Variants in STK17B observed in about 807,000 individuals in gnomAD.
STK17B encodes serine/threonine-protein kinase 17B.
STK17B carries 21 observed loss-of-function variants against 42.0 expected under a neutral mutation model. That is an observed-to-expected ratio of 0.50 (90% CI 0.35 to 0.72). The LOEUF (loss-of-function observed/expected upper bound fraction) is 0.72, where lower values mean the gene tolerates loss of function less well. Ranked by LOEUF, STK17B falls within the 30% of genes least tolerant of loss-of-function variation. STK17B has a pLI of 0.00. For synonymous variants in STK17B, 143 were observed against 148.4 expected (o/e 0.96, Z 0.26); for missense variants, 349 against 446.0 (o/e 0.78, Z 1.96).
intron 3 of STK17B, 147 bp from the exon 4 acceptor site, chr2:196,146,202 T>A: frequency 3.3e-6 from 3 of 897,702 alleles, no homozygotes; most frequent in Non-Finnish European, 3.1e-6. Flanking sequence ...GAGAGATCTT[T>A]AAGGAAAAAA....
chr2:196,142,323 G>A (rs1699506091), intron 5 of STK17B, among the ~76,000 whole-genome samples: 2 of 152,130 alleles, frequency 1.3e-5, no homozygotes, highest in Admixed American at 1.3e-4. Context: ...CTCCCAAAGT[G>A]CTGGGATTAC....
chr2:196,154,251 C>CAAA (rs1699708568), intron 3 of STK17B: 1 of 152,008 alleles, frequency 6.6e-6, no homozygotes, highest in Admixed American at 6.6e-5. Context: ...ACAACAACAA[C>CAAA]AACAACAACA....
intron 3 of STK17B, among the ~76,000 whole-genome samples, chr2:196,147,619 A>G (rs1000639401): frequency 2.6e-5 from 4 of 152,216 alleles, no homozygotes; most frequent in Non-Finnish European, 4.4e-5. Flanking sequence ...GACTTTGCAG[A>G]AAAAAACTCT....
upstream of STK17B, among the ~76,000 whole-genome samples, chr2:196,175,381 T>C (rs999886216): frequency 6.6e-6 from 1 of 152,210 alleles, no homozygotes; most frequent in African/African-American, 2.4e-5. Context: ...ATCCTAGCAC[T>C]TTGGGAGGCC....
chr2:196,142,182 C>T (rs1415375518), intron 5 of STK17B, among the ~76,000 whole-genome samples: 1 of 152,146 alleles, frequency 6.6e-6, no homozygotes, highest in African/African-American at 2.4e-5. Flanking sequence ...CCTCAGCCTC[C>T]CAAGTAGGTG....
intron 3 of STK17B, chr2:196,154,472 A>G (rs1215525384): frequency 6.6e-6 from 1 of 152,244 alleles, no homozygotes; most frequent in East Asian, 1.9e-4. Flanking sequence ...ACAAAAAGGA[A>G]TATCATAATA....
At chr2:196,161,881 G>A (rs1400065066) in intron 2 of STK17B, among the ~76,000 whole-genome samples, 1 of 152,034 alleles carries the variant, frequency 6.6e-6, no homozygotes, top group East Asian at 1.9e-4. Flanking sequence ...GAAAAAGCCA[G>A]GACTTGCCTC....
chr2:196,152,281 T>C lies in STK17B; in HGVS notation c.335+4158A>G, dbSNP rs574070651. ...GCCAACACGCCCGGCTAATTTTTTG[T>C]ATTTTTTAGTAGAGACAGGGTTTCA... On this transcript the variant is annotated intron_variant, in intron 3 of 7. Transcript: ENST00000263955. 2.6e-5 allele frequency among the ~76,000 whole-genome samples: 4 copies of C among 152,242 alleles called. No homozygotes were observed. The South Asian group carries it at 8.3e-4, about 32-fold the overall frequency.
intron 2 of STK17B, among the ~76,000 whole-genome samples, chr2:196,158,412 AT>A (rs1699767147): frequency 6.6e-6 from 1 of 152,220 alleles, no homozygotes; most frequent in Non-Finnish European, 1.5e-5. Flanking sequence ...AAATTTGCAT[AT>A]AAAAACCTGA....
At chr2:196,155,615 T>C (rs1699728030) in intron 3 of STK17B, among the ~76,000 whole-genome samples, 1 of 152,184 alleles carries the variant, frequency 6.6e-6, no homozygotes, top group Admixed American at 6.5e-5. Context: ...ATAAAATATA[T>C]TTACTTCATT....
At chr2:196,166,647 C>T (rs946734238) in intron 1 of STK17B, among the ~76,000 whole-genome samples, 6 of 151,964 alleles carry the variant, frequency 3.9e-5, no homozygotes, top group Admixed American at 1.3e-4. Flanking sequence ...AGATTTTTTT[C>T]ATTAATTCTC....
intron 2 of STK17B, among the ~76,000 whole-genome samples, chr2:196,160,402 GTTTT>G (rs1439691582): frequency 6.6e-6 from 1 of 152,084 alleles, no homozygotes; most frequent in Non-Finnish European, 1.5e-5. Context: ...AACAATTCAA[GTTTT>G]TTGAGAATAG....
At chr2:196,143,530 A>T in intron 5 of STK17B, 30 bp downstream of exon 5, 4 of 1,571,268 alleles carry the variant, frequency 2.5e-6, no homozygotes, top group Non-Finnish European at 3.4e-6. Context: ...AAATTTCAAA[A>T]TGGTATAGAA....
At chr2:196,153,946 A>G (rs562048107) in intron 3 of STK17B, 1 of 152,312 alleles carries the variant, frequency 6.6e-6, no homozygotes, top group East Asian at 1.9e-4. Context: ...AAAGTTAAGA[A>G]GATAATATTG....
At chr2:196,161,677 C>A (rs1215701763) in intron 2 of STK17B, among the ~76,000 whole-genome samples, 1 of 151,782 alleles carries the variant, frequency 6.6e-6, no homozygotes, top group African/African-American at 2.4e-5. Flanking sequence ...CGCCACCATG[C>A]CTGGCTAATT....
At chr2:196,155,598 G>T (rs1051734954) in intron 3 of STK17B, among the ~76,000 whole-genome samples, 6 of 152,002 alleles carry the variant, frequency 3.9e-5, no homozygotes, top group African/African-American at 1.4e-4. Context: ...TCTCTTCTTG[G>T]TTTATCATAA....
intron 2 of STK17B, 79 bp from the exon 3 acceptor site, chr2:196,156,730 C>A: frequency 1.9e-6 from 2 of 1,068,946 alleles, no homozygotes; most frequent in South Asian, 1.6e-5. Context: ...TGTTATACCT[C>A]CAACTTAAAG....
chr2:196,160,341 C>T (rs1397997836), intron 2 of STK17B, among the ~76,000 whole-genome samples: 1 of 152,080 alleles, frequency 6.6e-6, no homozygotes, highest in Non-Finnish European at 1.5e-5. Flanking sequence ...AAACCTTTGC[C>T]TCAGTTGGGG....
intron 1 of STK17B, among the ~76,000 whole-genome samples, chr2:196,167,165 T>C (rs868297054): frequency 3.9e-5 from 6 of 152,354 alleles, no homozygotes; most frequent in Admixed American, 6.5e-5. Context: ...CCAGGAAGCT[T>C]TGCCTAAAAA....
Sources: allele counts gnomAD v4.1 joint callset (sites outside exome capture counted in the v4.1 genomes callset), GRCh38; gene constraint gnomAD v4.1.1; transcripts MANE v1.5; gene names NCBI Gene and HGNC (gene_info 2026-07-23, HGNC 2026-07-21).